Variants in ZMAT3 observed in about 807,000 individuals in gnomAD.
ZMAT3 encodes zinc finger matrin-type protein 3.
ZMAT3 carries 17 observed loss-of-function variants against 32.3 expected under a neutral mutation model. That is an observed-to-expected ratio of 0.53 (90% CI 0.36 to 0.79). The LOEUF is 0.79. Among genes scored for constraint, ZMAT3 ranks in the 30% least tolerant of loss-of-function variants. The pLI is 0.00. For missense variants in ZMAT3, 329 were observed against 359.7 expected, an observed-to-expected ratio of 0.91 and a Z score of 0.69; for synonymous variants, 120 against 133.1, an observed-to-expected ratio of 0.90 and a Z score of 0.68.
intron 2 of ZMAT3, among the ~76,000 whole-genome samples, chr3:179,036,840 A>G (rs1428498858): frequency 6.6e-6 from 1 of 152,174 alleles, no homozygotes; most frequent in Non-Finnish European, 1.5e-5. Flanking sequence ...CTGAAAACTG[A>G]GCTGCCAGTT....
chr3:179,063,096 G>A (rs1721234215), intron 2 of ZMAT3, among the ~76,000 whole-genome samples: 1 of 152,196 alleles, frequency 6.6e-6, no homozygotes, highest in Non-Finnish European at 1.5e-5. Flanking sequence ...CAAGATCCTA[G>A]CCCAAAGTTG....
rs577164423 is a variant in ZMAT3 at position 179,062,819 on chromosome 3, C to A, written c.270+4664G>T. Among the ~76,000 whole-genome samples the A allele has an allele frequency of 3.7e-4, 57 of 152,256 alleles. No homozygotes were observed. In the Middle Eastern group the frequency reaches 0.01, roughly 27 times the overall value. On this transcript the variant is annotated intron_variant, in intron 2 of 5. Transcript: ENST00000311417. ...TAAAAGACTATCTCGGGAGAACAAT[C>A]AAGGAAAACAAAGTTTTGCTTATTT... is the stretch of plus-strand genomic sequence containing the variant.
intron 2 of ZMAT3, among the ~76,000 whole-genome samples, chr3:179,047,767 G>A (rs1053746083): frequency 1.3e-5 from 2 of 152,006 alleles, no homozygotes; most frequent in Non-Finnish European, 2.9e-5. Flanking sequence ...GCTGAAGCAG[G>A]AGAATCACTT....
chr3:179,056,255 T>G (rs1416492309), intron 2 of ZMAT3, among the ~76,000 whole-genome samples: 2 of 151,792 alleles, frequency 1.3e-5, no homozygotes, highest in Non-Finnish European at 2.9e-5. Context: ...AAACCCTATT[T>G]AACTTGGCAT....
chr3:179,064,344 A>G (rs1453099157), intron 2 of ZMAT3, among the ~76,000 whole-genome samples: 2 of 152,172 alleles, frequency 1.3e-5, no homozygotes, highest in Admixed American at 6.5e-5. Context: ...TACATCCATC[A>G]TCTCATTTAA....
At chr3:179,059,473 T>C (rs1240661544) in intron 2 of ZMAT3, among the ~76,000 whole-genome samples, 1 of 152,214 alleles carries the variant, frequency 6.6e-6, no homozygotes, top group Non-Finnish European at 1.5e-5. Context: ...ATCAAGCAGA[T>C]AGTCAGGGCC....
At chr3:179,030,774 C>T in intron 3 of ZMAT3, 106 bp downstream of exon 3, 4 of 1,461,262 alleles carry the variant, frequency 2.7e-6, no homozygotes, top group Non-Finnish European at 3.6e-6. Context: ...ATTATTTTCC[C>T]AACTGTACCC....
intron 2 of ZMAT3, among the ~76,000 whole-genome samples, chr3:179,049,563 T>C (rs981035517): frequency 6.6e-6 from 1 of 152,234 alleles, no homozygotes; most frequent in Admixed American, 6.5e-5. Flanking sequence ...TGCTCCTGAA[T>C]GATTGTTGGG....
chr3:179,052,431 G>A (rs1033656510), intron 2 of ZMAT3, among the ~76,000 whole-genome samples: 7 of 152,036 alleles, frequency 4.6e-5, no homozygotes, highest in African/African-American at 1.7e-4. Flanking sequence ...AATGTAAATC[G>A]AAACTACAAC....
Position 179,023,596 on chromosome 3 carries a change from G to A in ZMAT3, c.*1421C>T, listed in dbSNP as rs923611443. Reference sequence around the variant, plus strand: ...AAATATCAAGCAATCTGAACTTATGGTTTAGATCATGATATAAGCGCATGT... The same window carrying A: ...AAATATCAAGCAATCTGAACTTATGATTTAGATCATGATATAAGCGCATGT... On this transcript the variant is annotated 3_prime_UTR_variant, in exon 6 of 6. Transcript: ENST00000311417. 7.0e-6 allele frequency: 1 copy of A among 143,234 alleles called. No homozygotes were observed. Among genetic ancestry groups the A allele is most frequent in the African/African-American group, 2.6e-5 (1 of 38,176 alleles). 8.9% of individuals were successfully genotyped at this position (143,234 alleles called of 1,614,324 possible). A position where few individuals can be genotyped will look rare whatever the true frequency, so the allele number is the denominator to read the frequency against.
chr3:179,024,367 G>A lies in ZMAT3; in HGVS notation c.*650C>T, dbSNP rs1350987899. The A allele has an allele frequency of 1.3e-5, 2 of 152,382 alleles. No individual in the cohort carries two copies. Among genetic ancestry groups the A allele is most frequent in the African/African-American group, 4.8e-5 (2 of 41,442 alleles). The allele number at this position is 152,382 out of a possible 1,614,324, so 9.4% of individuals were successfully genotyped here. A position where few individuals can be genotyped will look rare whatever the true frequency, so the allele number is the denominator to read the frequency against. The stretch of plus-strand genomic sequence containing the variant: ...GACAATGCATTGAGGTGGCGGTTCT[G>A]GTTAAGCCCTGGGAAACTGAAATCT... On this transcript the variant is annotated 3_prime_UTR_variant, in exon 6 of 6. Coordinates refer to ENST00000311417, the MANE Select transcript of ZMAT3 (RefSeq NM_022470.4).
chr3:179,025,781 C>T (rs944687403), intron 5 of ZMAT3, among the ~76,000 whole-genome samples: 62 of 152,124 alleles, frequency 4.1e-4, no homozygotes, highest in African/African-American at 1.3e-3. Flanking sequence ...AAAACTCTTA[C>T]GCTATTAAGT....
At chr3:179,033,609 T>A (rs1392263189) in intron 2 of ZMAT3, among the ~76,000 whole-genome samples, 2 of 152,180 alleles carry the variant, frequency 1.3e-5, no homozygotes, top group Non-Finnish European at 2.9e-5. Context: ...CTCACCCAAC[T>A]TCTTGCCATT....
In ZMAT3 at chr3:179,024,775, G is replaced by A; in HGVS notation, c.*242C>T. 4.2e-6 allele frequency: 2 copies of A among 471,628 alleles called. No individual in the cohort carries two copies. The highest frequency in any genetic ancestry group is 7.7e-6 in the Non-Finnish European group (2 of 258,996). The allele number at this position is 471,628 out of a possible 1,614,324, so 29.2% of individuals were successfully genotyped here. ...GGGGTAGGTAGGTCACATGCTATGA[G>A]CGGCTCAACACCATTGACCCTGCAA... On this transcript the variant is annotated 3_prime_UTR_variant, in exon 6 of 6. Transcript: ENST00000311417.
chr3:179,054,753 C>T (rs529521427), intron 2 of ZMAT3, among the ~76,000 whole-genome samples: 8 of 152,300 alleles, frequency 5.3e-5, no homozygotes, highest in East Asian at 3.9e-4. Context: ...ATCGCAGACC[C>T]GCCGGCGACT....
chr3:179,050,451 C>T (rs1390309985), intron 2 of ZMAT3, among the ~76,000 whole-genome samples: 5 of 151,814 alleles, frequency 3.3e-5, no homozygotes, highest in Admixed American at 3.3e-4. Flanking sequence ...CAATAACAAG[C>T]AGCAAGATTG....
intron 2 of ZMAT3, among the ~76,000 whole-genome samples, chr3:179,041,053 C>T (rs1260791053): frequency 1.3e-5 from 2 of 152,024 alleles, no homozygotes; most frequent in African/African-American, 2.4e-5. Context: ...ATATATGCAC[C>T]CAATACAGGA....
At position 179,024,860 on chromosome 3, in the gene ZMAT3, GC is replaced by G; in HGVS notation, c.*156del. ...CCACCTCCCCCCGCCCCGCCCCCGG[GC>G]CCCCAGGTTTTGACATCTCATGGTA... On this transcript the variant is annotated 3_prime_UTR_variant, in exon 6 of 6. Transcript: ENST00000311417. The G allele has an allele frequency of 1.8e-6, 1 of 562,798 alleles. No homozygotes were observed. Among genetic ancestry groups the G allele is most frequent in the Non-Finnish European group, 3.0e-6 (1 of 328,094 alleles). The allele number at this position is 562,798 out of a possible 1,614,324, so 34.9% of individuals were successfully genotyped here.
chr3:179,067,033 C>T (rs908038463), intron 2 of ZMAT3, among the ~76,000 whole-genome samples: 2 of 152,212 alleles, frequency 1.3e-5, no homozygotes, highest in African/African-American at 4.8e-5. Context: ...AAGAGTCATG[C>T]ACAGAGGTCA....
Sources: gnomAD v4.1 joint callset for allele counts (sites outside exome capture counted in the v4.1 genomes callset) on GRCh38, gnomAD v4.1.1 for gene constraint, MANE v1.5 for transcripts, NCBI Gene and HGNC (gene_info 2026-07-23, HGNC 2026-07-21) for gene names.